The following PRRC2C variants were observed in gnomAD, a reference collection of about 807,000 sequenced individuals.
PRRC2C encodes the protein proline rich coiled-coil 2C.
In PRRC2C, 72 loss-of-function variants were observed where a neutral mutation model predicts 317.2. The observed-to-expected ratio is 0.23, with a 90% CI of 0.19 to 0.28. The LOEUF (loss-of-function observed/expected upper bound fraction) is 0.28, where lower values mean the gene tolerates loss of function less well. Among genes scored for constraint, PRRC2C ranks in the 10% least tolerant of loss-of-function variants. The pLI is 1.00. For synonymous variants in PRRC2C, 1,296 were observed against 1,205.9 expected (o/e 1.07, Z -1.55); for missense variants, 3,074 against 3,459.7 (o/e 0.89, Z 2.80).
At chr1:171,506,896 A>G (rs576857049) in intron 1 of PRRC2C, among the ~76,000 whole-genome samples, 1 of 152,228 alleles carries the variant, frequency 6.6e-6, no homozygotes, top group Non-Finnish European at 1.5e-5. Flanking sequence ...TGTTGAACAT[A>G]TAGAATACAG....
At chr1:171,517,839 A>G (rs754647463) in intron 6 of PRRC2C, 25 bp downstream of exon 6, 2 of 1,589,480 alleles carry the variant, frequency 1.3e-6, no homozygotes, top group East Asian at 2.3e-5. Context: ...ATGAACAAGC[A>G]TTCAAACAAG....
intron 5 of PRRC2C, among the ~76,000 whole-genome samples, chr1:171,516,957 T>C (rs1260607972): frequency 6.6e-6 from 1 of 152,194 alleles, no homozygotes; most frequent in Non-Finnish European, 1.5e-5. Context: ...TCTGCCATAT[T>C]CTACAGGTTA....
In PRRC2C at chr1:171,559,505, G is replaced by GTTTTTTTTTTTTTTTTTTTTTTTTTTTTT. The variant is rs1236663155; in HGVS notation, c.6031+1365_6031+1366insTTTTTTTTTTTTTTTTTTTTTTTTTTTTT. Among the ~76,000 whole-genome samples, 7 of 95,124 alleles carry GTTTTTTTTTTTTTTTTTTTTTTTTTTTTT rather than the reference G, an allele frequency of 7.4e-5. 3 individuals are homozygous for GTTTTTTTTTTTTTTTTTTTTTTTTTTTTT. Among genetic ancestry groups the GTTTTTTTTTTTTTTTTTTTTTTTTTTTTT allele is most frequent in the African/African-American group, 4.0e-5 (1 of 24,866 alleles). The allele number at this position is 95,124 out of a possible 152,430, so 62.4% of individuals were successfully genotyped here. Reference sequence around the variant, plus strand: ...ATCTGTTTACAAAATGGCATACCAAGTTTGTTTTTTTTTTTTTTTTTTTTT... The same window carrying GTTTTTTTTTTTTTTTTTTTTTTTTTTTTT: ...ATCTGTTTACAAAATGGCATACCAAGTTTTTTTTTTTTTTTTTTTTTTTTTTTTTTTTGTTTTTTTTTTTTTTTTTTTTT... On this transcript the variant is annotated intron_variant, in intron 19 of 34. Coordinates refer to ENST00000647382, the MANE Select transcript of PRRC2C (RefSeq NM_001387844.1).
At chr1:171,528,311 C>T (rs1389125189) in intron 11 of PRRC2C, among the ~76,000 whole-genome samples, 4 of 129,270 alleles carry the variant, frequency 3.1e-5, no homozygotes, top group Non-Finnish European at 6.6e-5. Context: ...TTTTTTTAGA[C>T]AGAGTCTAGC....
Position 171,541,542 on chromosome 1 carries a change from G to A in PRRC2C, c.4076G>A (p.Gly1359Asp). ...AGGCGTGGTGGAAGGGATCCTGGAG[G>A]CCGTCCATCACGCCCTTCCACTTTA... ...TFRRGGRDPG[G>D]RPSRPSTLRR... The change falls in exon 16 of 35, where the codon GGC (glycine) becomes GAC (aspartate). Residue 1359 changes from glycine to aspartate, a missense_variant. By Grantham distance (94) the Gly-to-Asp change is moderately conservative. Around this residue, in one of 11 missense-constraint regions of PRRC2C, gnomAD observed 1,320 missense variants for 1,395.7 expected, o/e 0.95. Transcript: ENST00000647382. This position sits in a 1 kb window ranked among gnomAD's most constrained non-coding sequence, Gnocchi z 4.1. The A allele has an allele frequency of 6.2e-7, 1 of 1,613,496 alleles. No homozygotes were observed. The highest frequency in any genetic ancestry group is 8.5e-7 in the Non-Finnish European group (1 of 1,179,770).
At chr1:171,528,286 ATTTTTTTTT>A (rs60053076) in intron 11 of PRRC2C, among the ~76,000 whole-genome samples, 1 of 135,778 alleles carries the variant, frequency 7.4e-6, no homozygotes, top group Non-Finnish European at 1.6e-5. Flanking sequence ...CATCAGTGAA[ATTTTTTTTT>A]TTTTTTTTTT....
chr1:171,492,914 G>A (rs1667440137), intron 1 of PRRC2C, among the ~76,000 whole-genome samples: 1 of 151,880 alleles, frequency 6.6e-6, no homozygotes, highest in African/African-American at 2.4e-5. Flanking sequence ...AGCACACCTG[G>A]CTAATCTTTG....
At chr1:171,578,185 A>G (rs1024148099) in intron 26 of PRRC2C, among the ~76,000 whole-genome samples, 8 of 152,126 alleles carry the variant, frequency 5.3e-5, no homozygotes, top group African/African-American at 1.9e-4. Context: ...GGAATCTCAT[A>G]TGGATACATT....
At position 171,550,077 on chromosome 1, in the gene PRRC2C, C is replaced by T; in HGVS notation, c.4973-9C>T. 1.3e-6 allele frequency: 2 copies of T among 1,566,004 alleles called. No individual in the cohort carries two copies. Among genetic ancestry groups the T allele is most frequent in the Non-Finnish European group, 1.7e-6 (2 of 1,159,060 alleles). The stretch of plus-strand genomic sequence containing the variant: ...AGAAAATATCTTAAATCCTTTCCCA[C>T]ACCCACAGGTGTTGTTATAATTGAT... On this transcript the variant is annotated splice_polypyrimidine_tract_variant and intron_variant, in intron 17 of 34. Transcript: ENST00000647382.
At chr1:171,557,138 A>T in intron 18 of PRRC2C, 102 bp from the exon 19 acceptor site, 1 of 1,447,936 alleles carries the variant, frequency 6.9e-7, no homozygotes, top group Non-Finnish European at 9.1e-7. Context: ...CTATTTTGAA[A>T]AGTAAAGGAG....
rs766637679 is a variant in PRRC2C, at chr1:171,541,646, A to G, written c.4180A>G (p.Arg1394Gly). The G allele has an allele frequency of 2.5e-6, 4 of 1,613,854 alleles. No homozygotes were observed. The highest frequency in any genetic ancestry group is 1.6e-4 in the Middle Eastern group (1 of 6,062). Residue 1394 changes from arginine to glycine, a missense_variant, in exon 16 of 35, where the codon AGA becomes GGA. Physicochemically the swap from Arg to Gly is moderately radical, Grantham distance 125. Transcript: ENST00000647382. This position sits in a 1 kb window ranked among gnomAD's most constrained non-coding sequence, Gnocchi z 4.1. ...VPKPEDGEPP[R>G]RHEQFIPIAA... Reference sequence around the variant, plus strand: ...TAAACCAGAAGATGGAGAGCCGCCAAGAAGACATGAGCAGTTTATTCCTAT... The same window carrying G: ...TAAACCAGAAGATGGAGAGCCGCCAGGAAGACATGAGCAGTTTATTCCTAT...
intron 22 of PRRC2C, 123 bp from the exon 23 acceptor site, chr1:171,568,124 G>A: frequency 1.5e-6 from 2 of 1,308,274 alleles, no homozygotes; most frequent in Non-Finnish European, 9.8e-7. Context: ...GGCAGAGGTT[G>A]CAGTGAGCTG....
In PRRC2C at chr1:171,584,887, G is replaced by A. The variant is rs553812130; in HGVS notation, c.7749+361G>A. ...CCCAGGCTCAAGTGATCCTTGCACC[G>A]CAGCCTCCTGTGTAGCTGGGACTAC... On this transcript the variant is annotated intron_variant, in intron 30 of 34. Transcript: ENST00000647382. Among the ~76,000 whole-genome samples, 10 of 152,132 alleles carry A rather than the reference G, an allele frequency of 6.6e-5. No homozygotes were observed. The East Asian group carries it at 9.7e-4, about 15-fold the overall frequency.
chr1:171,499,575 A>G (rs1175079666), intron 1 of PRRC2C, among the ~76,000 whole-genome samples: 1 of 152,168 alleles, frequency 6.6e-6, no homozygotes, highest in Non-Finnish European at 1.5e-5. Context: ...AGGCCGAGGC[A>G]GGTGGATCAC....
intron 24 of PRRC2C, among the ~76,000 whole-genome samples, chr1:171,574,422 A>G (rs966269608): frequency 6.6e-6 from 1 of 152,216 alleles, no homozygotes; most frequent in Non-Finnish European, 1.5e-5. Flanking sequence ...ATACAGCTGA[A>G]ACCAGGGGTC....
intron 22 of PRRC2C, 78 bp downstream of exon 22, chr1:171,566,921 GCT>G: frequency 6.9e-7 from 1 of 1,447,348 alleles, no homozygotes; most frequent in Non-Finnish European, 9.2e-7. Flanking sequence ...GCAACAGTCT[GCT>G]TTTTTTTTTC....
intron 1 of PRRC2C, among the ~76,000 whole-genome samples, chr1:171,490,101 G>A (rs1421176904): frequency 2.0e-5 from 3 of 152,134 alleles, no homozygotes; most frequent in African/African-American, 7.2e-5. Context: ...TGTATTTTTA[G>A]TAGAGATGGG....
chr1:171,524,588 A>G (rs1674219603), intron 9 of PRRC2C, among the ~76,000 whole-genome samples: 2 of 152,198 alleles, frequency 1.3e-5, no homozygotes, highest in South Asian at 4.1e-4. Flanking sequence ...TTCTTTTGCC[A>G]GGATATATGC....
chr1:171,492,941 G>A (rs1180444279), intron 1 of PRRC2C, among the ~76,000 whole-genome samples: 2 of 151,798 alleles, frequency 1.3e-5, no homozygotes, highest in South Asian at 4.2e-4. Context: ...TAGTAGAGAT[G>A]GGGTTTCACC....
Sources: gnomAD v4.1 joint callset for allele counts (sites outside exome capture counted in the v4.1 genomes callset) on GRCh38, gnomAD v4.1.1 for gene constraint, gnomAD v4.1.1 regional missense constraint, Gnocchi (gnomAD v3.1) non-coding constraint, MANE v1.5 for transcripts, NCBI Gene and HGNC (gene_info 2026-07-23, HGNC 2026-07-21) for gene names.